The following CBLN1 variants were observed in gnomAD, a reference collection of about 807,000 sequenced individuals.
CBLN1 encodes the protein cerebellin-1.
In CBLN1, 5 loss-of-function variants were observed where a neutral mutation model predicts 15.9. The ratio of observed to expected loss-of-function variants is 0.31; its 90% CI spans 0.16 to 0.66. The LOEUF (loss-of-function observed/expected upper bound fraction) is 0.66. CBLN1 is among the 30% of genes least tolerant of loss of function. CBLN1 has a pLI of 0.75. For synonymous variants in CBLN1, 90 were observed against 107.6 expected (o/e 0.84, Z 1.01); for missense variants, 164 against 253.7 (o/e 0.65, Z 2.40).
intron 1 of CBLN1, 40 bp downstream of exon 1, chr16:49,281,162 C>G: frequency 6.2e-7 from 1 of 1,614,168 alleles, no homozygotes; most frequent in Non-Finnish European, 8.5e-7. Flanking sequence ...CCCTCCTTCA[C>G]CAGCCCAATC....
At position 49,278,981 on chromosome 16, in the gene CBLN1, G is replaced by T; in HGVS notation, c.*423C>A. ...CCCTTTCCAAACTGAAAAAAAAAAGGTTGGGGGTGTGTAATATATCAGATT... is the reference window on the plus strand; with the variant it reads ...CCCTTTCCAAACTGAAAAAAAAAAGTTTGGGGGTGTGTAATATATCAGATT... On this transcript the variant is annotated 3_prime_UTR_variant, in exon 3 of 3. Coordinates refer to ENST00000219197, the MANE Select transcript of CBLN1 (RefSeq NM_004352.4). 1 of 161,698 alleles carries T rather than the reference G, an allele frequency of 6.2e-6. No individual in the cohort carries two copies. Among genetic ancestry groups the T allele is most frequent in the Non-Finnish European group, 1.3e-5 (1 of 74,898 alleles). 10.0% of individuals were successfully genotyped at this position (161,698 alleles called of 1,614,324 possible).
rs1963223850 is a variant in CBLN1, at chr16:49,278,524, T to TA, written c.*879dup. ...ATTTTAGAAAGCTGTTTCAGAAAAATAAAAGTCCCACTTCGACTTTATTAG... is the reference window on the plus strand; with the variant it reads ...ATTTTAGAAAGCTGTTTCAGAAAAATAAAAAGTCCCACTTCGACTTTATTAG... On this transcript the variant is annotated 3_prime_UTR_variant, in exon 3 of 3. Coordinates refer to ENST00000219197, the MANE Select transcript of CBLN1 (RefSeq NM_004352.4). The TA allele has an allele frequency of 6.6e-6, 1 of 152,190 alleles. No homozygotes were observed. The highest frequency in any genetic ancestry group is 2.4e-5 in the African/African-American group (1 of 41,450). The allele number at this position is 152,190 out of a possible 1,614,324, so 9.4% of individuals were successfully genotyped here.
intron 2 of CBLN1, among the ~76,000 whole-genome samples, chr16:49,280,461 G>T (rs530380255): frequency 1.2e-4 from 18 of 152,336 alleles, no homozygotes; most frequent in African/African-American, 4.3e-4. Flanking sequence ...ACGGGGTGGG[G>T]ATTGGGGACA....
Position 49,281,416 on chromosome 16 carries a change from C to G in CBLN1, c.50G>C (p.Gly17Ala), listed in dbSNP as rs1567334446. ...CGTCTCATTCTGCCCGCGGGCCGGG[C>G]CCGCCAGCCACGCAGCCCCCAGCAG... The part of the protein sequence containing the change: ...LLLLGAAWLA[G>A]PARGQNETEP... The change falls in exon 1 of 3, where the codon GGC becomes GCC. Residue 17 changes from glycine (G) to alanine (A), a missense_variant. Physicochemically the swap from Gly to Ala is moderately conservative, Grantham distance 60. Transcript: ENST00000219197. 3 of 1,598,838 alleles carry G rather than the reference C, an allele frequency of 1.9e-6. No individual in the cohort carries two copies. The highest frequency in any genetic ancestry group is 8.5e-7 in the Non-Finnish European group (1 of 1,178,260).
At position 49,279,726 on chromosome 16, in the gene CBLN1, T is replaced by TGGGGGGGGG. The variant is rs111507068; in HGVS notation, c.385-126_385-125insCCCCCCCCC. 3.3e-4 allele frequency: 73 copies of TGGGGGGGGG among 222,068 alleles called. 1 individual carries two copies. The highest frequency in any genetic ancestry group is 3.0e-3 in the East Asian group (25 of 8,232). The allele number at this position is 222,068 out of a possible 1,614,324, so 13.8% of individuals were successfully genotyped here. A position where few individuals can be genotyped will look rare whatever the true frequency, so the allele number is the denominator to read the frequency against. The stretch of plus-strand genomic sequence containing the variant: ...CCTGGAAGCACGGAGAGGTGGGGGG[T>TGGGGGGGGG]GGGGGGGGCGAATGGAGGAAAAGGG... On this transcript the variant is annotated intron_variant, in intron 2 of 2. Transcript: ENST00000219197.
At chr16:49,280,644 G>A (rs944213688) in intron 2 of CBLN1, among the ~76,000 whole-genome samples, 2 of 152,170 alleles carry the variant, frequency 1.3e-5, no homozygotes, top group Admixed American at 1.3e-4. Flanking sequence ...GCCGTTACAA[G>A]GAAGTCCCTG....
At chr16:49,279,713 G>A in intron 2 of CBLN1, 112 bp from the exon 3 acceptor site, 1 of 634,178 alleles carries the variant, frequency 1.6e-6, no homozygotes, top group Admixed American at 2.6e-5. Flanking sequence ...TGGAAGCACG[G>A]AGAGGTGGGG....
Position 49,281,760 on chromosome 16 carries a change from T to G in CBLN1, c.-295A>C. ...CGGTCCCGCTGCTGCCGCCGCCTCC[T>G]GCCCGCACCCGCCGCTGCCGCCGCC... On this transcript the variant is annotated 5_prime_UTR_variant, in exon 1 of 3. Coordinates refer to ENST00000219197, the MANE Select transcript of CBLN1 (RefSeq NM_004352.4). The G allele has an allele frequency of 3.6e-5, 11 of 305,800 alleles. No individual in the cohort carries two copies. Among genetic ancestry groups the G allele is most frequent in the East Asian group, 1.6e-4 (3 of 18,384 alleles). The allele number at this position is 305,800 out of a possible 1,614,324, so 18.9% of individuals were successfully genotyped here.
rs1963289946 is a variant in CBLN1, at chr16:49,281,384, T to C, written c.82A>G (p.Ile28Val). Residue 28 changes from isoleucine (I) to valine (V), a missense_variant, in exon 1 of 3, where the codon ATC becomes GTC. Transcript: ENST00000219197. ...PARGQNETEP[I>V]VLEGKCLVVC... ...ACCAGGCACTTGCCCTCCAGCACGA[T>C]GGGCTCCGTCTCATTCTGCCCGCGG... is the stretch of plus-strand genomic sequence containing the variant. 3.1e-6 allele frequency: 5 copies of C among 1,607,766 alleles called. No individual in the cohort carries two copies. In the Admixed American group the frequency reaches 5.0e-5, roughly 16 times the overall value.
Position 49,279,074 on chromosome 16 carries a change from T to G in CBLN1, c.*330A>C. 3.1e-6 allele frequency: 1 copy of G among 325,396 alleles called. No homozygotes were observed. Among genetic ancestry groups the G allele is most frequent in the Non-Finnish European group, 5.6e-6 (1 of 178,200 alleles). The allele number at this position is 325,396 out of a possible 1,614,324, so 20.2% of individuals were successfully genotyped here. ...TCAGATTATGTAGTGAAATACAAAG[T>G]TTCTTTAAATAAATTGCAGGGAACA... On this transcript the variant is annotated 3_prime_UTR_variant, in exon 3 of 3. Transcript: ENST00000219197.
Position 49,279,197 on chromosome 16 carries a change from G to A in CBLN1, c.*207C>T, listed in dbSNP as rs1963231077. The A allele has an allele frequency of 1.7e-6, 1 of 586,466 alleles. No individual in the cohort carries two copies. The allele number at this position is 586,466 out of a possible 1,614,324, so 36.3% of individuals were successfully genotyped here. A position where few individuals can be genotyped will look rare whatever the true frequency, so the allele number is the denominator to read the frequency against. On this transcript the variant is annotated 3_prime_UTR_variant, in exon 3 of 3. Coordinates refer to ENST00000219197, the MANE Select transcript of CBLN1 (RefSeq NM_004352.4). Reference sequence around the variant, plus strand: ...AGTTTATTTTTGGAAATGGGAGTGCGCAGAGCTAAGCGAAATTTATTTCTC... The same window carrying A: ...AGTTTATTTTTGGAAATGGGAGTGCACAGAGCTAAGCGAAATTTATTTCTC...
rs890491768 is a variant in CBLN1 at position 49,281,427 on chromosome 16, C to T, written c.39G>A (p.Ala13=). The change falls in exon 1 of 3, where the codon GCG becomes GCA. Residue 13 remains alanine (A), a synonymous_variant. Coordinates refer to ENST00000219197, the MANE Select transcript of CBLN1 (RefSeq NM_004352.4). The stretch of plus-strand genomic sequence containing the variant: ...GCCCGCGGGCCGGGCCCGCCAGCCA[C>T]GCAGCCCCCAGCAGCAGCAGCTCCA... ...GVLELLLLGA[A]WLAGPARGQN... The T allele has an allele frequency of 1.9e-6, 3 of 1,595,588 alleles. No individual in the cohort carries two copies. Among genetic ancestry groups the T allele is most frequent in the African/African-American group, 1.3e-5 (1 of 74,774 alleles).
chr16:49,281,418 CG>C lies in CBLN1; in HGVS notation c.47del (p.Ala16GlyfsTer62). On this transcript the variant is annotated frameshift_variant, in exon 1 of 3. Coordinates refer to ENST00000219197, the MANE Select transcript of CBLN1 (RefSeq NM_004352.4). LOFTEE classifies it high-confidence loss of function. ...ELLLLGAAWL[A>X]GPARGQNETE... The stretch of plus-strand genomic sequence containing the variant: ...TCTCATTCTGCCCGCGGGCCGGGCC[CG>C]CCAGCCACGCAGCCCCCAGCAGCAG... The C allele has an allele frequency of 6.3e-7, 1 of 1,597,842 alleles. No homozygotes were observed.
Position 49,281,554 on chromosome 16 carries a change from C to A in CBLN1, c.-89G>T. The A allele has an allele frequency of 1.1e-6, 1 of 916,806 alleles. No individual in the cohort carries two copies. The highest frequency in any genetic ancestry group is 1.5e-6 in the Non-Finnish European group (1 of 682,288). The allele number at this position is 916,806 out of a possible 1,614,324, so 56.8% of individuals were successfully genotyped here. On this transcript the variant is annotated 5_prime_UTR_variant, in exon 1 of 3. Coordinates refer to ENST00000219197, the MANE Select transcript of CBLN1 (RefSeq NM_004352.4). ...TCCCAGTCCCGCTCCGAAGCCCCCT[C>A]CTCAGCTCCGTGCGCAGCTCCGCCG...
intron 2 of CBLN1, among the ~76,000 whole-genome samples, 182 bp from the exon 3 acceptor site, chr16:49,279,783 G>A (rs1963239662): frequency 1.3e-5 from 2 of 152,156 alleles, no homozygotes; most frequent in African/African-American, 4.8e-5. Flanking sequence ...GCTCCAGTGG[G>A]GCGAAAGACC....
intron 2 of CBLN1, among the ~76,000 whole-genome samples, chr16:49,280,485 G>C (rs1329455582): frequency 6.6e-6 from 1 of 152,202 alleles, no homozygotes; most frequent in Non-Finnish European, 1.5e-5. Context: ...GGGAGAAAAC[G>C]GGGGCCCCGT....
chr16:49,279,429 G>A lies in CBLN1; in HGVS notation c.557C>T (p.Ser186Phe). The change falls in exon 3 of 3, where the codon TCC becomes TTC. Residue 186 changes from serine to phenylalanine, a missense_variant. Coordinates refer to ENST00000219197, the MANE Select transcript of CBLN1 (RefSeq NM_004352.4). ...TCAGAGAGGAAACACCAGGAATCCG[G>A]AGAAGGTCGAGTACTTCCAGCCCCC... The part of the protein sequence containing the change: ...LMGGWKYSTF[S>F]GFLVFPL The A allele has an allele frequency of 1.2e-6, 2 of 1,614,192 alleles. No homozygotes were observed. Among genetic ancestry groups the A allele is most frequent in the Non-Finnish European group, 1.7e-6 (2 of 1,180,038 alleles).
rs563305756 is a variant in CBLN1, at chr16:49,279,279, T to C, written c.*125A>G. 9.7e-4 allele frequency: 811 copies of C among 840,086 alleles called. 1 individual carries two copies. The highest frequency in any genetic ancestry group is 1.3e-3 in the Non-Finnish European group (679 of 526,852). The allele number at this position is 840,086 out of a possible 1,614,324, so 52.0% of individuals were successfully genotyped here. On this transcript the variant is annotated 3_prime_UTR_variant, in exon 3 of 3. Coordinates refer to ENST00000219197, the MANE Select transcript of CBLN1 (RefSeq NM_004352.4). ...GCTGGCGCGCACCTTTTTACCCAGA[T>C]ACAGTTAGAGAACATGTAGGAAGTT...
chr16:49,281,497 C>G lies in CBLN1; in HGVS notation c.-32G>C. On this transcript the variant is annotated 5_prime_UTR_variant, in exon 1 of 3. Coordinates refer to ENST00000219197, the MANE Select transcript of CBLN1 (RefSeq NM_004352.4). ...GCCGGCGCCCACCCCGCCCCCCACC[C>G]CCAGGGCTGCTCGCGCCAGCCGCCC... The G allele has an allele frequency of 7.5e-7, 1 of 1,331,670 alleles. No homozygotes were observed. The allele number at this position is 1,331,670 out of a possible 1,614,324, so 82.5% of individuals were successfully genotyped here.
Sources: gnomAD v4.1 joint callset for allele counts (sites outside exome capture counted in the v4.1 genomes callset) on GRCh38, gnomAD v4.1.1 for gene constraint, MANE v1.5 for transcripts, NCBI Gene and HGNC (gene_info 2026-07-23, HGNC 2026-07-21) for gene names.